MRPL43: variants seen among roughly 807,000 people sequenced by gnomAD.
MRPL43 encodes large ribosomal subunit protein mL43.
Under a neutral mutation model 12.7 loss-of-function variants are expected in MRPL43, and 9 were observed. That is an observed-to-expected ratio of 0.71 (90% CI 0.43 to 1.24). The LOEUF is 1.24. Among genes scored for constraint, MRPL43 ranks in the 50% most tolerant of loss-of-function variants. The pLI is 0.00. For missense variants in MRPL43, 211 were observed against 229.2 expected, an observed-to-expected ratio of 0.92 and a Z score of 0.51; for synonymous variants, 116 against 96.4, an observed-to-expected ratio of 1.20 and a Z score of -1.19.
chr10:100,979,752 T>A, downstream of MRPL43: 1 of 1,425,716 alleles, frequency 7.0e-7, no homozygotes, highest in South Asian at 1.2e-5. Flanking sequence ...ATAGCTGGGG[T>A]TGGCCAGGGT....
In MRPL43 at chr10:100,986,744, T is replaced by C; in HGVS notation, c.470A>G (p.Gln157Arg). 6.2e-7 allele frequency: 1 copy of C among 1,613,744 alleles called. No homozygotes were observed. Among genetic ancestry groups the C allele is most frequent in the Non-Finnish European group, 8.5e-7 (1 of 1,179,972 alleles). The stretch of plus-strand genomic sequence containing the variant: ...TGGTGGGGCAACTCTTCACTGTGCT[T>C]GCACCTGGGCTGGGGCAGGATCCTG... ...EVQDPAPAQV[Q>R]AQ The change falls in exon 3 of 3, where the codon CAA becomes CGA. Residue 157 changes from glutamine to arginine, a missense_variant. Physicochemically the swap from Gln to Arg is conservative, Grantham distance 43 (BLOSUM62 1). Coordinates refer to ENST00000318364, the MANE Select transcript of MRPL43 (RefSeq NM_032112.3).
At chr10:100,983,919 C>T (rs1465984153), downstream of MRPL43, 1 of 1,563,652 alleles carries the variant, frequency 6.4e-7, no homozygotes, top group Non-Finnish European at 8.6e-7. Flanking sequence ...ACCACCCCCA[C>T]CGCCCCCACC....
chr10:100,978,330 G>C, downstream of MRPL43: 1 of 1,613,738 alleles, frequency 6.2e-7, no homozygotes, highest in Non-Finnish European at 8.5e-7. Flanking sequence ...CCAGCTTCGA[G>C]GAGGGGAAGG....
At position 100,986,945 on chromosome 10, in the gene MRPL43, T is replaced by C. The variant is rs575144608; in HGVS notation, c.269A>G (p.His90Arg). 8 of 1,608,268 alleles carry C rather than the reference T, an allele frequency of 5.0e-6. No individual in the cohort carries two copies. The East Asian group carries it at 1.6e-4, about 31-fold the overall frequency. Residue 90 changes from histidine to arginine, a missense_variant, in exon 3 of 3, where the codon CAC (histidine) becomes CGC (arginine). Transcript: ENST00000318364. The part of the protein sequence containing the change: ...LNGAVREESI[H>R]CKSVEEISTL... ...CGAGATCTCCTCGACCGACTTGCAG[T>C]GGATGCTCTCCTCGCGCACAGCCCC...
chr10:100,978,475 G>A, downstream of MRPL43: 2 of 1,590,630 alleles, frequency 1.3e-6, no homozygotes, highest in South Asian at 2.2e-5. Flanking sequence ...TATATGTCAT[G>A]TGCCCTGTTG....
chr10:100,985,794 G>A (rs771564013), downstream of MRPL43: 3 of 152,226 alleles, frequency 2.0e-5, no homozygotes, highest in African/African-American at 2.4e-5. Flanking sequence ...AGGCACACAG[G>A]CCTCTTTAGT....
At chr10:100,984,702 C>G, downstream of MRPL43, 2 of 1,536,170 alleles carry the variant, frequency 1.3e-6, no homozygotes, top group East Asian at 2.4e-5. Flanking sequence ...TGCTTCTGGA[C>G]TTGGGGTACC....
downstream of MRPL43, chr10:100,981,062 C>A: frequency 6.2e-7 from 1 of 1,601,570 alleles, no homozygotes; most frequent in Non-Finnish European, 8.5e-7. Context: ...CTGATAGCTA[C>A]TGGGGGAGTG....
Position 100,987,235 on chromosome 10 carries a change from T to C in MRPL43, c.132-39A>G, listed in dbSNP as rs752854438. 1.9e-6 allele frequency: 3 copies of C among 1,612,962 alleles called. No individual in the cohort carries two copies. The African/African-American group carries it at 4.0e-5, about 22-fold the overall frequency. ...GACAGTGAGCAGTATGACCCCTGAC[T>C]GGGGGCGACCTACCCGGGGAGTCGT... is the stretch of plus-strand genomic sequence containing the variant. On this transcript the variant is annotated intron_variant, in intron 1 of 2. Transcript: ENST00000318364.
downstream of MRPL43, chr10:100,978,592 C>G (rs374506045): frequency 5.0e-6 from 8 of 1,614,042 alleles, no homozygotes; most frequent in African/African-American, 9.3e-5. Flanking sequence ...CCGGAGCCGC[C>G]ACCCACACTC....
chr10:100,985,584 G>C (rs576811967), downstream of MRPL43: 1 of 152,594 alleles, frequency 6.6e-6, no homozygotes, highest in Non-Finnish European at 1.5e-5. Flanking sequence ...TCCTCCCCCT[G>C]CCGTTGGTTA....
Position 100,986,558 on chromosome 10 carries a change from C to G in MRPL43, c.*176G>C. ...AATGAGTGGTTCACAAGGTCACTGC[C>G]CCCAGAAGCAGGCACTGGAAAGAAA... On this transcript the variant is annotated 3_prime_UTR_variant, in exon 3 of 3. Transcript: ENST00000318364. 2 of 1,567,478 alleles carry G rather than the reference C, an allele frequency of 1.3e-6. No homozygotes were observed. Among genetic ancestry groups the G allele is most frequent in the South Asian group, 1.2e-5 (1 of 86,342 alleles).
chr10:100,980,165 A>G (rs1564796809), downstream of MRPL43: 2 of 1,614,196 alleles, frequency 1.2e-6, no homozygotes, highest in South Asian at 1.1e-5. Context: ...AATTCATCCC[A>G]AGACTTGCCA....
chr10:100,986,053 G>A (rs1851444337), downstream of MRPL43, among the ~76,000 whole-genome samples: 1 of 152,190 alleles, frequency 6.6e-6, no homozygotes, highest in Non-Finnish European at 1.5e-5. Flanking sequence ...GAGGGACGTG[G>A]GGGGAAGGAG....
downstream of MRPL43, among the ~76,000 whole-genome samples, chr10:100,982,958 G>T (rs1190647246): frequency 6.6e-6 from 1 of 152,206 alleles, no homozygotes; most frequent in Non-Finnish European, 1.5e-5. Context: ...GTGTCCAAGA[G>T]ACCTCATGTG....
At chr10:100,984,937 AACAC>A (rs146737296), downstream of MRPL43, 75,863 of 1,436,472 alleles carry the variant, frequency 0.053, 2,330 homozygotes, top group Non-Finnish European at 0.062. Context: ...CACATGTGGT[AACAC>A]ACACCTGTAT....
chr10:100,979,992 G>A (rs768865327), downstream of MRPL43: 17 of 1,613,916 alleles, frequency 1.1e-5, no homozygotes, highest in Admixed American at 3.3e-5. Context: ...GGCCTGGCTC[G>A]GTGAGTGCCC....
At chr10:100,983,821 G>C, downstream of MRPL43, 1 of 1,601,668 alleles carries the variant, frequency 6.2e-7, no homozygotes, top group South Asian at 1.1e-5. Context: ...CAGTGTCCTG[G>C]AGAGGAAGAT....
chr10:100,984,587 A>T, downstream of MRPL43: 1 of 1,536,144 alleles, frequency 6.5e-7, no homozygotes, highest in Non-Finnish European at 8.7e-7. Flanking sequence ...TCTGCCAGCC[A>T]CCTAAGCCCT....
Sources: gnomAD v4.1 joint callset for allele counts (sites outside exome capture counted in the v4.1 genomes callset) on GRCh38, gnomAD v4.1.1 for gene constraint, MANE v1.5 for transcripts, NCBI Gene and HGNC (gene_info 2026-07-23, HGNC 2026-07-21) for gene names.